The following OXR1 variants were observed in gnomAD, a reference collection of about 807,000 sequenced individuals.
OXR1 encodes the protein oxidation resistance protein 1.
Under a neutral mutation model 104.6 loss-of-function variants are expected in OXR1, and 41 were observed. The ratio of observed to expected loss-of-function variants is 0.39; its 90% CI spans 0.31 to 0.51. The LOEUF (loss-of-function observed/expected upper bound fraction) is 0.51. Ranked by LOEUF, OXR1 falls within the 20% of genes least tolerant of loss-of-function variation. The pLI is 0.77. For synonymous variants in OXR1, 348 were observed against 348.4 expected (o/e 1.00, Z 0.01); for missense variants, 955 against 1,031.9 (o/e 0.93, Z 1.02).
intron 3 of OXR1, among the ~76,000 whole-genome samples, chr8:106,562,248 A>G (rs1267774244): frequency 1.3e-5 from 2 of 152,154 alleles, no homozygotes; most frequent in Non-Finnish European, 2.9e-5. Flanking sequence ...CGGAATGGCT[A>G]TCTATAATAC....
intron 1 of OXR1, among the ~76,000 whole-genome samples, chr8:106,325,059 T>C (rs960846506): frequency 5.9e-5 from 9 of 152,192 alleles, no homozygotes; most frequent in Admixed American, 1.3e-4. Flanking sequence ...GATGTATTTA[T>C]CTTCTGTAAG....
chr8:106,670,915 C>T (rs1018235554), intron 3 of OXR1, among the ~76,000 whole-genome samples: 4 of 151,408 alleles, frequency 2.6e-5, no homozygotes, highest in South Asian at 2.1e-4. Context: ...CGTGGTGGTG[C>T]GTGCCTGTAG....
At chr8:106,339,515 AAAAAATATATATATATATATATAT>A (rs1348898528) in intron 1 of OXR1, among the ~76,000 whole-genome samples, 1 of 31,262 alleles carries the variant, frequency 3.2e-5, no homozygotes, top group Non-Finnish European at 5.1e-5. Context: ...AAAAAAAAAA[AAAAAATATATATATATATATATAT>A]ATATATATAT....
At chr8:106,445,823 A>G (rs1819991798) in intron 2 of OXR1, among the ~76,000 whole-genome samples, 1 of 152,214 alleles carries the variant, frequency 6.6e-6, no homozygotes, top group African/African-American at 2.4e-5. Context: ...CAAGTGCAAG[A>G]AAAATGCAGC....
intron 3 of OXR1, among the ~76,000 whole-genome samples, chr8:106,640,445 A>T (rs936562116): frequency 6.6e-6 from 1 of 151,778 alleles, no homozygotes; most frequent in African/African-American, 2.4e-5. Flanking sequence ...TTCCCCTTAT[A>T]ATGCAGATAA....
intron 2 of OXR1, among the ~76,000 whole-genome samples, chr8:106,427,446 C>G (rs1819179355): frequency 6.6e-6 from 1 of 152,098 alleles, no homozygotes; most frequent in Non-Finnish European, 1.5e-5. Flanking sequence ...GGATTACAGG[C>G]ATGAATTGAT....
At chr8:106,600,644 C>T (rs899886914) in intron 3 of OXR1, among the ~76,000 whole-genome samples, 10 of 152,212 alleles carry the variant, frequency 6.6e-5, no homozygotes, top group African/African-American at 2.4e-4. Flanking sequence ...CCTTGAGACT[C>T]TGTCCCTGTT....
rs549383247 is a variant in OXR1 at position 106,620,314 on chromosome 8, GT to G, written c.221-58887del. On this transcript the variant is annotated intron_variant, in intron 3 of 16. Transcript: ENST00000517566. ...AAGCTGTATTGTGATTTAATTGACA[GT>G]TTTTTTTTCAATCTTTCTTTCTTGG... Among the ~76,000 whole-genome samples the G allele has an allele frequency of 7.6e-3, 1,141 of 150,536 alleles. 16 individuals are homozygous for G. Among genetic ancestry groups the G allele is most frequent in the African/African-American group, 0.026 (1,055 of 41,036 alleles).
chr8:106,336,652 A>G (rs1814980251), intron 1 of OXR1, among the ~76,000 whole-genome samples: 1 of 152,192 alleles, frequency 6.6e-6, no homozygotes, highest in Non-Finnish European at 1.5e-5. Flanking sequence ...ATCTTTTATT[A>G]CTTTGGGGAA....
intron 1 of OXR1, among the ~76,000 whole-genome samples, chr8:106,333,188 C>G (rs1463308991): frequency 6.6e-6 from 1 of 152,016 alleles, no homozygotes; most frequent in Non-Finnish European, 1.5e-5. Flanking sequence ...CATATGATAA[C>G]TCTACCTTTG....
chr8:106,482,686 C>A (rs530994209), intron 2 of OXR1, among the ~76,000 whole-genome samples: 2 of 152,090 alleles, frequency 1.3e-5, no homozygotes, highest in South Asian at 4.2e-4. Context: ...CATCAGATAT[C>A]CATAGACTTA....
At chr8:106,615,049 T>C (rs949516954) in intron 3 of OXR1, among the ~76,000 whole-genome samples, 2 of 152,184 alleles carry the variant, frequency 1.3e-5, no homozygotes, top group Non-Finnish European at 2.9e-5. Flanking sequence ...CTGGGCATGA[T>C]GGCTTATGCC....
intron 2 of OXR1, among the ~76,000 whole-genome samples, chr8:106,470,221 A>G (rs1821412922): frequency 6.6e-6 from 1 of 151,938 alleles, no homozygotes; most frequent in Non-Finnish European, 1.5e-5. Context: ...CATCATCTGT[A>G]AATACTAAAT....
At chr8:106,325,738 C>T (rs575824442) in intron 1 of OXR1, among the ~76,000 whole-genome samples, 43 of 151,952 alleles carry the variant, frequency 2.8e-4, no homozygotes, top group Non-Finnish European at 3.8e-4. Flanking sequence ...AGGAATATAC[C>T]CATAAAGAGA....
At chr8:106,449,024 T>A (rs1446432206) in intron 2 of OXR1, among the ~76,000 whole-genome samples, 2 of 152,130 alleles carry the variant, frequency 1.3e-5, no homozygotes, top group Non-Finnish European at 2.9e-5. Flanking sequence ...CTTAACCAGA[T>A]TACTTAATTA....
intron 2 of OXR1, among the ~76,000 whole-genome samples, chr8:106,408,284 A>C (rs1818321840): frequency 6.6e-6 from 1 of 152,164 alleles, no homozygotes; most frequent in African/African-American, 2.4e-5. Context: ...ATCAAGAGAC[A>C]CACATTAATT....
intron 1 of OXR1, among the ~76,000 whole-genome samples, chr8:106,295,247 T>C (rs1360965534): frequency 2.0e-5 from 3 of 152,140 alleles, no homozygotes; most frequent in African/African-American, 7.2e-5. Context: ...CAACCTCAAA[T>C]ATAAGGATAA....
intron 2 of OXR1, among the ~76,000 whole-genome samples, chr8:106,488,898 G>A (rs894365127): frequency 6.6e-6 from 1 of 151,688 alleles, no homozygotes; most frequent in African/African-American, 2.4e-5. Flanking sequence ...TATTGACTTG[G>A]GGATGCGGGC....
intron 3 of OXR1, among the ~76,000 whole-genome samples, chr8:106,541,907 T>A (rs1814982544): frequency 6.6e-6 from 1 of 152,212 alleles, no homozygotes; most frequent in South Asian, 2.1e-4. Context: ...ATGTATTTGG[T>A]CCTGGCTACC....
Sources: allele counts gnomAD v4.1 joint callset (sites outside exome capture counted in the v4.1 genomes callset), GRCh38; gene constraint gnomAD v4.1.1; transcripts MANE v1.5; gene names NCBI Gene and HGNC (gene_info 2026-07-23, HGNC 2026-07-21).